Variants in ZNF569 observed in about 807,000 individuals in gnomAD.
ZNF569 encodes the protein zinc finger protein 569, also known as DNA-binding protein.
In ZNF569, 38 loss-of-function variants were observed where a neutral mutation model predicts 56.3. The observed-to-expected ratio is 0.68, with a 90% CI of 0.52 to 0.88. ZNF569 has a LOEUF of 0.88. ZNF569 is among the 40% of genes least tolerant of loss of function. ZNF569 has a pLI of 0.00. For synonymous variants in ZNF569, 241 were observed against 262.9 expected, an observed-to-expected ratio of 0.92 and a Z score of 0.81; for missense variants, 666 against 809.2, an observed-to-expected ratio of 0.82 and a Z score of 2.15.
Position 37,413,424 on chromosome 19 carries a change from A to G in ZNF569, c.1234T>C (p.Cys412Arg). Residue 412 changes from cysteine (C) to arginine (R), a missense_variant, in exon 6 of 6, where the codon TGT (cysteine) becomes CGT (arginine). Physicochemically the swap from Cys to Arg is radical, Grantham distance 180 (BLOSUM62 -3). Transcript: ENST00000316950. ...RSHTGEKPYE[C>R]KECRKAFSHK... Reference sequence around the variant, plus strand: ...CTGAAGGCTTTTCTGCATTCCTTACATTCATAGGGTTTCTCACCAGTGTGA... The same window carrying G: ...CTGAAGGCTTTTCTGCATTCCTTACGTTCATAGGGTTTCTCACCAGTGTGA... 1 of 1,613,688 alleles carries G rather than the reference A, an allele frequency of 6.2e-7. No homozygotes were observed. The highest frequency in any genetic ancestry group is 1.1e-5 in the South Asian group (1 of 90,990).
At chr19:37,436,574 CT>C (rs1186685354) in intron 3 of ZNF569, among the ~76,000 whole-genome samples, 5 of 151,468 alleles carry the variant, frequency 3.3e-5, no homozygotes, top group Non-Finnish European at 7.4e-5. Flanking sequence ...AATCAGCAAA[CT>C]TTTAGCTAGA....
At chr19:37,460,295 A>C (rs868762571) in intron 2 of ZNF569, among the ~76,000 whole-genome samples, 1 of 152,150 alleles carries the variant, frequency 6.6e-6, no homozygotes, top group Middle Eastern at 3.4e-3. Flanking sequence ...GGCATGCACC[A>C]CTATGCCTGG....
chr19:37,418,174 G>A (rs2040968987), intron 5 of ZNF569, among the ~76,000 whole-genome samples: 1 of 151,398 alleles, frequency 6.6e-6, no homozygotes, highest in Non-Finnish European at 1.5e-5. Context: ...TTTATATCCA[G>A]TCTAAACAAA....
intron 5 of ZNF569, among the ~76,000 whole-genome samples, chr19:37,420,178 CG>C (rs763022502): frequency 5.3e-5 from 8 of 151,726 alleles, no homozygotes; most frequent in Non-Finnish European, 1.0e-4. Flanking sequence ...TTAGTAGAGA[CG>C]GGGTTTCACT....
intron 2 of ZNF569, among the ~76,000 whole-genome samples, chr19:37,454,587 AG>A (rs1354463686): frequency 3.9e-5 from 6 of 152,098 alleles, no homozygotes; most frequent in African/African-American, 1.4e-4. Flanking sequence ...TTCATTATGC[AG>A]TGATAGGGAA....
At chr19:37,460,547 A>C (rs1359742755) in intron 2 of ZNF569, among the ~76,000 whole-genome samples, 1 of 152,114 alleles carries the variant, frequency 6.6e-6, no homozygotes, top group East Asian at 1.9e-4. Flanking sequence ...AAAAAAAAAA[A>C]ACAACTATAT....
At chr19:37,458,429 G>A (rs1334426366) in intron 2 of ZNF569, among the ~76,000 whole-genome samples, 1 of 152,128 alleles carries the variant, frequency 6.6e-6, no homozygotes, top group African/African-American at 2.4e-5. Context: ...ACGTTTCCAT[G>A]CCTAAAAACT....
intron 2 of ZNF569, among the ~76,000 whole-genome samples, chr19:37,461,299 A>G (rs1177552718): frequency 1.3e-5 from 2 of 150,676 alleles, no homozygotes. Flanking sequence ...TTTAAAACAT[A>G]TGAAAAATAT....
At position 37,411,420 on chromosome 19, in the gene ZNF569, C is replaced by T. The variant is rs963386100; in HGVS notation, c.*1177G>A. 2.0e-5 allele frequency: 3 copies of T among 152,044 alleles called. No homozygotes were observed. Among genetic ancestry groups the T allele is most frequent in the Non-Finnish European group, 4.4e-5 (3 of 67,968 alleles). 9.4% of individuals were successfully genotyped at this position (152,044 alleles called of 1,614,324 possible). On this transcript the variant is annotated 3_prime_UTR_variant, in exon 6 of 6. Transcript: ENST00000316950. The stretch of plus-strand genomic sequence containing the variant: ...TGTTTCTAAATTCTGTATTTTATCA[C>T]AGAAATGATCACACTTATTCATCTA...
At chr19:37,421,762 T>TTG (rs1555834450) in intron 5 of ZNF569, among the ~76,000 whole-genome samples, 32 of 147,932 alleles carry the variant, frequency 2.2e-4, no homozygotes, top group African/African-American at 7.5e-4. Context: ...TTTTTTTTTT[T>TTG]TTTTTGAGAC....
upstream of ZNF569, among the ~76,000 whole-genome samples, chr19:37,468,628 C>T (rs984314744): frequency 1.1e-4 from 17 of 152,210 alleles, no homozygotes; most frequent in African/African-American, 3.9e-4. Flanking sequence ...GCCTCAGCCT[C>T]CTGAGTAGCT....
intron 1 of ZNF569, among the ~76,000 whole-genome samples, chr19:37,466,316 G>T (rs2041834053): frequency 6.6e-6 from 1 of 152,150 alleles, no homozygotes; most frequent in Non-Finnish European, 1.5e-5. Flanking sequence ...AAGTGTTGGG[G>T]ATATCGATGT....
At chr19:37,416,116 C>T (rs1427005241) in intron 5 of ZNF569, among the ~76,000 whole-genome samples, 1 of 150,908 alleles carries the variant, frequency 6.6e-6, no homozygotes, top group African/African-American at 2.4e-5. Flanking sequence ...GCCTATAGTC[C>T]CAGCTACTAG....
In ZNF569 at chr19:37,466,392, G is replaced by C. The variant is rs879707006; in HGVS notation, c.-205+692C>G. 1.2e-4 allele frequency among the ~76,000 whole-genome samples: 18 copies of C among 152,222 alleles called. 1 individual carries two copies. The highest frequency in any genetic ancestry group is 1.1e-3 in the Admixed American group (17 of 15,278). Reference sequence around the variant, plus strand: ...CGACTGTAATCTCAGCACTTTGGGAGAACGAGGCGGGTGGATCACCTGCGG... The same window carrying C: ...CGACTGTAATCTCAGCACTTTGGGACAACGAGGCGGGTGGATCACCTGCGG... On this transcript the variant is annotated intron_variant, in intron 1 of 5. Transcript: ENST00000316950.
chr19:37,447,293 G>T (rs1368545195), intron 2 of ZNF569, among the ~76,000 whole-genome samples: 2 of 152,180 alleles, frequency 1.3e-5, no homozygotes, highest in Admixed American at 6.5e-5. Context: ...ACTTGCACAT[G>T]CATGTTTATA....
chr19:37,413,062 A>G lies in ZNF569; in HGVS notation c.1596T>C (p.Ser532=), dbSNP rs770568324. 1.7e-5 allele frequency: 27 copies of G among 1,614,006 alleles called. No individual in the cohort carries two copies. Among genetic ancestry groups the G allele is most frequent in the Non-Finnish European group, 2.1e-5 (25 of 1,179,930 alleles). ...AATGAAGGGTAAGGGATGCAATTTG[A>G]GAGAAGGCTTTACCACATTCATTAC... ...YDCNECGKAF[S]QIASLTLHLR... is the part of the protein sequence containing the mutation. Residue 532 remains serine (S), a synonymous_variant, in exon 6 of 6, where the codon TCT becomes TCC. Coordinates refer to ENST00000316950, the MANE Select transcript of ZNF569 (RefSeq NM_152484.3).
At chr19:37,468,071 GTTTTT>G (rs35295578), upstream of ZNF569, 55 of 586,410 alleles carry the variant, frequency 9.4e-5, no homozygotes, top group Middle Eastern at 2.9e-4. Context: ...TGCCTTTCGT[GTTTTT>G]TTTTTTTTGT....
chr19:37,428,900 T>C (rs2041180606), intron 3 of ZNF569, among the ~76,000 whole-genome samples: 1 of 152,090 alleles, frequency 6.6e-6, no homozygotes, highest in African/African-American at 2.4e-5. Context: ...CTCTAACTCC[T>C]AACCTCAAAT....
intron 5 of ZNF569, among the ~76,000 whole-genome samples, chr19:37,417,023 G>A (rs761280070): frequency 2.0e-5 from 3 of 152,230 alleles, no homozygotes; most frequent in African/African-American, 4.8e-5. Context: ...GCCCCCATGC[G>A]ATACGACTCG....
Sources: gnomAD v4.1 joint callset for allele counts (sites outside exome capture counted in the v4.1 genomes callset) on GRCh38, gnomAD v4.1.1 for gene constraint, MANE v1.5 for transcripts, NCBI Gene and HGNC (gene_info 2026-07-23, HGNC 2026-07-21) for gene names.